Variants in ADAMTS12 observed in about 807,000 individuals in gnomAD.
ADAMTS12 encodes A disintegrin and metalloproteinase with thrombospondin motifs 12.
Under a neutral mutation model 167.8 loss-of-function variants are expected in ADAMTS12, and 118 were observed. The observed-to-expected ratio is 0.70, with a 90% CI of 0.61 to 0.82. ADAMTS12 has a LOEUF of 0.82. Ranked by LOEUF, ADAMTS12 falls within the 40% of genes least tolerant of loss-of-function variation. ADAMTS12 has a pLI of 0.00. For missense variants in ADAMTS12, 1,916 were observed against 1,998.8 expected, an observed-to-expected ratio of 0.96 and a Z score of 0.79; for synonymous variants, 704 against 716.9, an observed-to-expected ratio of 0.98 and a Z score of 0.29.
At chr5:33,664,137 T>C (rs1741381747) in intron 5 of ADAMTS12, among the ~76,000 whole-genome samples, 1 of 152,194 alleles carries the variant, frequency 6.6e-6, no homozygotes. Context: ...AGCAACTCTA[T>C]TGTAGACACA....
intron 3 of ADAMTS12, among the ~76,000 whole-genome samples, chr5:33,739,725 C>T (rs1333888959): frequency 1.3e-5 from 2 of 152,150 alleles, no homozygotes; most frequent in Non-Finnish European, 2.9e-5. Context: ...CTCTTTAGGT[C>T]CTGACTGTCC....
intron 5 of ADAMTS12, among the ~76,000 whole-genome samples, chr5:33,680,745 G>T (rs1020082842): frequency 6.6e-6 from 1 of 152,142 alleles, no homozygotes. Context: ...TGAGGGGATA[G>T]GCAAGATGGC....
chr5:33,816,904 A>T (rs1048706988), intron 2 of ADAMTS12, among the ~76,000 whole-genome samples: 1 of 152,182 alleles, frequency 6.6e-6, no homozygotes, highest in African/African-American at 2.4e-5. Flanking sequence ...GTCTCTGTTG[A>T]TACTGAAACA....
intron 16 of ADAMTS12, among the ~76,000 whole-genome samples, chr5:33,608,081 C>T (rs1738534238): frequency 6.6e-6 from 1 of 152,182 alleles, no homozygotes; most frequent in East Asian, 1.9e-4. Context: ...GTGGAGCACC[C>T]AGAGGGGGCA....
intron 16 of ADAMTS12, among the ~76,000 whole-genome samples, chr5:33,608,606 C>T (rs1473039684): frequency 6.6e-6 from 1 of 152,064 alleles, no homozygotes; most frequent in African/African-American, 2.4e-5. Context: ...CACAATGAAC[C>T]CACCTTTTCA....
At chr5:33,850,153 C>T (rs545820647) in intron 2 of ADAMTS12, among the ~76,000 whole-genome samples, 23 of 152,182 alleles carry the variant, frequency 1.5e-4, no homozygotes, top group Admixed American at 2.6e-4. Context: ...CACCACCAGA[C>T]TGTGACCCAC....
At chr5:33,873,339 T>TAAG (rs1457016595) in intron 2 of ADAMTS12, among the ~76,000 whole-genome samples, 1 of 152,054 alleles carries the variant, frequency 6.6e-6, no homozygotes, top group African/African-American at 2.4e-5. Flanking sequence ...AAAAATTAAA[T>TAAG]ACTTAGATAC....
chr5:33,826,321 G>A (rs1211694017), intron 2 of ADAMTS12, among the ~76,000 whole-genome samples: 1 of 151,702 alleles, frequency 6.6e-6, no homozygotes, highest in Non-Finnish European at 1.5e-5. Context: ...GCTCAGTGAG[G>A]GCAAATGATT....
chr5:33,756,678 A>G lies in ADAMTS12; in HGVS notation c.490-5130T>C, dbSNP rs1745179273. On this transcript the variant is annotated intron_variant, in intron 2 of 23. Transcript: ENST00000504830. ...AAGAGAGTGACCAGTGATGTCATCA[A>G]TTCATGAAGATTTTGCATATGAGTC... Among the ~76,000 whole-genome samples, 2 of 152,150 alleles carry G rather than the reference A, an allele frequency of 1.3e-5. 1 individual carries two copies. Among genetic ancestry groups the G allele is most frequent in the African/African-American group, 4.8e-5 (2 of 41,438 alleles).
intron 11 of ADAMTS12, among the ~76,000 whole-genome samples, chr5:33,641,595 T>A (rs138752388): frequency 6.6e-6 from 1 of 152,340 alleles, no homozygotes; most frequent in East Asian, 1.9e-4. Context: ...CAAGTTTTAG[T>A]GAGAATCCAG....
intron 19 of ADAMTS12, among the ~76,000 whole-genome samples, chr5:33,570,054 T>C (rs180688096): frequency 1.0e-3 from 156 of 152,086 alleles, no homozygotes; most frequent in African/African-American, 3.5e-3. Context: ...GAAAAAAGAA[T>C]AAAAAGGAAC....
intron 17 of ADAMTS12, among the ~76,000 whole-genome samples, chr5:33,592,823 G>C (rs1272158938): frequency 2.0e-5 from 3 of 152,120 alleles, no homozygotes; most frequent in Non-Finnish European, 4.4e-5. Flanking sequence ...AATTTTTTGG[G>C]AAAGGAAATG....
intron 16 of ADAMTS12, among the ~76,000 whole-genome samples, chr5:33,603,932 G>A (rs1289212800): frequency 6.6e-6 from 1 of 152,204 alleles, no homozygotes; most frequent in East Asian, 1.9e-4. Flanking sequence ...TAAGTGAAGT[G>A]CTTAACTTAA....
chr5:33,703,717 T>C (rs899001848), intron 3 of ADAMTS12, among the ~76,000 whole-genome samples: 2 of 152,192 alleles, frequency 1.3e-5, no homozygotes, highest in African/African-American at 4.8e-5. Context: ...TGGTCACAAA[T>C]GGCAGTGCTA....
At chr5:33,799,435 T>A (rs1193801410) in intron 2 of ADAMTS12, among the ~76,000 whole-genome samples, 1 of 152,122 alleles carries the variant, frequency 6.6e-6, no homozygotes, top group African/African-American at 2.4e-5. Flanking sequence ...TGTGCAAGAG[T>A]TGCTGGGCAG....
intron 3 of ADAMTS12, among the ~76,000 whole-genome samples, chr5:33,686,000 C>T (rs1248849245): frequency 6.6e-6 from 1 of 152,124 alleles, no homozygotes; most frequent in Non-Finnish European, 1.5e-5. Flanking sequence ...TCTGAAACGG[C>T]TGTTACAGGT....
chr5:33,677,664 A>G (rs1445040173), intron 5 of ADAMTS12, among the ~76,000 whole-genome samples: 16 of 152,242 alleles, frequency 1.1e-4, no homozygotes, highest in Admixed American at 1.0e-3. Context: ...ATCAGAGCTC[A>G]ATTCAGGGAT....
chr5:33,664,418 G>A (rs1741392698), intron 5 of ADAMTS12, among the ~76,000 whole-genome samples: 1 of 151,886 alleles, frequency 6.6e-6, no homozygotes, highest in South Asian at 2.1e-4. Context: ...ATTCACTGAA[G>A]GAAAGACAGC....
chr5:33,648,759 G>C, intron 9 of ADAMTS12, 63 bp downstream of exon 9: 1 of 1,590,238 alleles, frequency 6.3e-7, no homozygotes, highest in South Asian at 1.1e-5. Context: ...TATTGTCCTG[G>C]CCCTTCCTTC....
Sources: gnomAD v4.1 joint callset for allele counts (sites outside exome capture counted in the v4.1 genomes callset) on GRCh38, gnomAD v4.1.1 for gene constraint, MANE v1.5 for transcripts, NCBI Gene and HGNC (gene_info 2026-07-23, HGNC 2026-07-21) for gene names.